RERE: variants seen among roughly 807,000 people sequenced by gnomAD.
The protein encoded by RERE is arginine-glutamic acid dipeptide repeats.
In RERE, 40 loss-of-function variants were observed where a neutral mutation model predicts 146.1. That is an observed-to-expected ratio of 0.27 (90% CI 0.21 to 0.36). The LOEUF (loss-of-function observed/expected upper bound fraction) is 0.36, where lower values mean the gene tolerates loss of function less well. Among genes scored for constraint, RERE ranks in the 10% least tolerant of loss-of-function variants. The probability of loss-of-function intolerance (pLI) is 1.00; values close to 1 mark genes in which losing one functional copy is unlikely to be tolerated. For missense variants in RERE, 1,933 were observed against 2,138.7 expected, an observed-to-expected ratio of 0.90 and a Z score of 1.90; for synonymous variants, 1,003 against 866.0, an observed-to-expected ratio of 1.16 and a Z score of -2.78.
chr1:8,576,148 A>G (rs972028590), intron 4 of RERE, among the ~76,000 whole-genome samples: 1 of 152,052 alleles, frequency 6.6e-6, no homozygotes, highest in Non-Finnish European at 1.5e-5. Context: ...TGTAAGAAAC[A>G]CACATCCATT....
At chr1:8,796,159 T>A (rs1025186853) in intron 1 of RERE, among the ~76,000 whole-genome samples, 1 of 152,158 alleles carries the variant, frequency 6.6e-6, no homozygotes, top group African/African-American at 2.4e-5. Flanking sequence ...ATCTCAGATC[T>A]CATCTTGATT....
intron 11 of RERE, among the ~76,000 whole-genome samples, chr1:8,443,416 G>A (rs553600614): frequency 1.7e-4 from 22 of 133,166 alleles, no homozygotes; most frequent in Admixed American, 7.0e-4. Flanking sequence ...GAGCACCTCT[G>A]CACTCTAGCC....
At chr1:8,386,018 A>ATTTT (rs1428623957) in intron 12 of RERE, among the ~76,000 whole-genome samples, 5 of 41,908 alleles carry the variant, frequency 1.2e-4, no homozygotes, top group South Asian at 1.3e-3. Flanking sequence ...ATATATATAT[A>ATTTT]TATATTTTTT....
intron 1 of RERE, among the ~76,000 whole-genome samples, chr1:8,705,474 A>G (rs1639539611): frequency 6.6e-6 from 1 of 152,208 alleles, no homozygotes; most frequent in Admixed American, 6.5e-5. Flanking sequence ...CTCAGGTCAA[A>G]CATCACTTTT....
intron 2 of RERE, among the ~76,000 whole-genome samples, chr1:8,645,503 T>C (rs1647265994): frequency 1.3e-5 from 2 of 152,208 alleles, no homozygotes; most frequent in Non-Finnish European, 2.9e-5. Flanking sequence ...GAAGCACTAA[T>C]GAGTGATTAG....
intron 1 of RERE, among the ~76,000 whole-genome samples, chr1:8,676,042 C>A (rs1472796875): frequency 6.6e-6 from 1 of 152,060 alleles, no homozygotes; most frequent in Non-Finnish European, 1.5e-5. Flanking sequence ...CTATATATTA[C>A]CATATAAAGG....
At chr1:8,604,598 AAGGGAGGGAGGGAGGG>A (rs796662731) in intron 4 of RERE, among the ~76,000 whole-genome samples, 16 of 80,672 alleles carry the variant, frequency 2.0e-4, no homozygotes, top group South Asian at 1.1e-3. Context: ...GGAAGGAAGG[AAGGGAGGGAGGGAGGG>A]AGGGAGGGAG....
At chr1:8,737,886 T>C (rs780702952) in intron 1 of RERE, among the ~76,000 whole-genome samples, 3 of 152,238 alleles carry the variant, frequency 2.0e-5, no homozygotes, top group Non-Finnish European at 4.4e-5. Flanking sequence ...TAAATCAAAG[T>C]TTTAAATCAT....
At chr1:8,462,839 G>C (rs1222932506) in intron 11 of RERE, among the ~76,000 whole-genome samples, 1 of 152,052 alleles carries the variant, frequency 6.6e-6, no homozygotes, top group Non-Finnish European at 1.5e-5. Flanking sequence ...AACAGTTTGA[G>C]TCCAGCCTGG....
intron 10 of RERE, among the ~76,000 whole-genome samples, chr1:8,473,153 A>AT (rs774073929): frequency 1.8e-4 from 28 of 152,032 alleles, no homozygotes; most frequent in African/African-American, 5.8e-4. Context: ...CTGAGATGTG[A>AT]TTTTTTCCTT....
At chr1:8,743,629 G>A (rs1466571621) in intron 1 of RERE, among the ~76,000 whole-genome samples, 1 of 151,936 alleles carries the variant, frequency 6.6e-6, no homozygotes, top group Non-Finnish European at 1.5e-5. Context: ...ACATGTCTCA[G>A]TATAGACATG....
intron 1 of RERE, among the ~76,000 whole-genome samples, chr1:8,774,347 A>ATT (rs34859762): frequency 0.013 from 1,223 of 93,106 alleles, 78 homozygotes; most frequent in African/African-American, 0.038. Context: ...TTGGCAAACT[A>ATT]TTTTTTTTTT....
chr1:8,707,049 T>G (rs1219848218), intron 1 of RERE, among the ~76,000 whole-genome samples: 2 of 152,242 alleles, frequency 1.3e-5, no homozygotes, highest in Non-Finnish European at 2.9e-5. Flanking sequence ...GTTATCTCCC[T>G]GGCCTGGTCT....
intron 4 of RERE, among the ~76,000 whole-genome samples, chr1:8,557,994 C>G (rs1646026864): frequency 6.6e-6 from 1 of 152,144 alleles, no homozygotes; most frequent in Admixed American, 6.5e-5. Context: ...AATCTCTTCT[C>G]CAAGGTTTGC....
At chr1:8,422,138 C>G (rs563990861) in intron 12 of RERE, among the ~76,000 whole-genome samples, 1 of 152,332 alleles carries the variant, frequency 6.6e-6, no homozygotes, top group South Asian at 2.1e-4. Flanking sequence ...TGACCCCCAG[C>G]TTTGTGAAAT....
chr1:8,543,688 A>C (rs559835325), intron 6 of RERE, among the ~76,000 whole-genome samples: 6 of 152,310 alleles, frequency 3.9e-5, no homozygotes, highest in African/African-American at 1.4e-4. Context: ...ATTTAAGAGC[A>C]TCCTTGGCCT....
intron 1 of RERE, among the ~76,000 whole-genome samples, chr1:8,665,867 C>A (rs569065334): frequency 2.6e-5 from 4 of 152,270 alleles, no homozygotes; most frequent in Admixed American, 2.6e-4. Flanking sequence ...CAACAAATAA[C>A]CATGCAGGAA....
chr1:8,408,442 C>G (rs1345691365), intron 12 of RERE, among the ~76,000 whole-genome samples: 1 of 152,112 alleles, frequency 6.6e-6, no homozygotes, highest in Non-Finnish European at 1.5e-5. Context: ...GCTGTACAAC[C>G]AAAATTTGTA....
intron 4 of RERE, among the ~76,000 whole-genome samples, chr1:8,580,848 T>C (rs1222674018): frequency 6.6e-6 from 1 of 151,880 alleles, no homozygotes; most frequent in Non-Finnish European, 1.5e-5. Context: ...GCCACCATGC[T>C]CAGCTAATTT....
Sources: gnomAD v4.1 joint callset for allele counts (sites outside exome capture counted in the v4.1 genomes callset) on GRCh38, gnomAD v4.1.1 for gene constraint, MANE v1.5 for transcripts, NCBI Gene and HGNC (gene_info 2026-07-23, HGNC 2026-07-21) for gene names.